PRDM10: variants seen among roughly 807,000 people sequenced by gnomAD.
The protein encoded by PRDM10 is PR/SET domain 10, also known as PR domain zinc finger protein 10.
Under a neutral mutation model 133.1 loss-of-function variants are expected in PRDM10, and 65 were observed. The observed-to-expected ratio is 0.49, with a 90% CI of 0.40 to 0.60. The LOEUF (loss-of-function observed/expected upper bound fraction) is 0.60, where lower values mean the gene tolerates loss of function less well. Ranked by LOEUF, PRDM10 falls within the 20% of genes least tolerant of loss-of-function variation. The pLI, the probability that PRDM10 is intolerant of heterozygous loss-of-function variation, is 0.00. For missense variants in PRDM10, 1,137 were observed against 1,507.1 expected (o/e 0.75, Z 4.07); for synonymous variants, 582 against 580.4 (o/e 1.00, Z -0.04).
intron 15 of PRDM10, among the ~76,000 whole-genome samples, chr11:129,916,082 A>G (rs1429189833): frequency 6.6e-6 from 1 of 152,232 alleles, no homozygotes; most frequent in Non-Finnish European, 1.5e-5. Context: ...TCTTTCTTTA[A>G]TCTATAAATC....
chr11:129,979,663 C>G (rs978230126), intron 1 of PRDM10, among the ~76,000 whole-genome samples: 2 of 152,200 alleles, frequency 1.3e-5, no homozygotes, highest in Admixed American at 1.3e-4. Context: ...GTCTGGTAAG[C>G]AAAGCTCTCG....
At chr11:129,970,053 G>A (rs965501178) in intron 1 of PRDM10, among the ~76,000 whole-genome samples, 4 of 152,168 alleles carry the variant, frequency 2.6e-5, no homozygotes, top group Admixed American at 2.6e-4. Context: ...ACTAATTTCA[G>A]AATTAGAAGA....
At position 129,925,114 on chromosome 11, in the gene PRDM10, C is replaced by G; in HGVS notation, c.1646G>C (p.Gly549Ala). 1.2e-6 allele frequency: 2 copies of G among 1,614,206 alleles called. No homozygotes were observed. The highest frequency in any genetic ancestry group is 1.7e-6 in the Non-Finnish European group (2 of 1,180,042). ...GGTCAGTGGGCAGTTCCCCTCCCGCCCATGGAAGCGTAAGTGCTGGTCCAG... is the reference window on the plus strand; with the variant it reads ...GGTCAGTGGGCAGTTCCCCTCCCGCGCATGGAAGCGTAAGTGCTGGTCCAG... Reference protein sequence around the residue: ...DKLDQHLRFHGREGNCPLTCD... With the variant: ...DKLDQHLRFHAREGNCPLTCD... The change falls in exon 12 of 21, where the codon GGG becomes GCG. Residue 549 changes from glycine (G) to alanine (A), a missense_variant. Gly to Ala is a moderately conservative substitution (Grantham distance 60, BLOSUM62 0). Transcript: ENST00000360871.
chr11:129,915,110 C>A, intron 16 of PRDM10, 92 bp from the exon 17 acceptor site: 5 of 1,344,098 alleles, frequency 3.7e-6, no homozygotes, highest in Non-Finnish European at 4.0e-6. Flanking sequence ...TTCCTAAAGT[C>A]TTTTATGTCT....
Position 129,910,627 on chromosome 11 carries a change from G to A in PRDM10, c.3012C>T (p.Ala1004=). 1 of 1,598,868 alleles carries A rather than the reference G, an allele frequency of 6.3e-7. No homozygotes were observed. Among genetic ancestry groups the A allele is most frequent in the Non-Finnish European group, 8.5e-7 (1 of 1,171,436 alleles). ...GGCTGAGCCCCTGCTGAGCCTGCTG[G>A]GCTGAGGGACTCAACGGCTGCCCAG... ...QVSGQPLSPS[A]QQAQQGLSPS... The change falls in exon 19 of 21, where the codon GCC becomes GCT. Residue 1004 remains alanine (A), a synonymous_variant. Transcript: ENST00000360871.
rs761665298 is a variant in PRDM10 at position 129,914,734 on chromosome 11, G to A, written c.2811C>T (p.His937=). The A allele has an allele frequency of 3.7e-6, 6 of 1,614,140 alleles. No individual in the cohort carries two copies. In the Admixed American group the frequency reaches 1.0e-4, roughly 27 times the overall value. Residue 937 remains histidine (H), a synonymous_variant, in exon 17 of 21, where the codon CAC becomes CAT. Coordinates refer to ENST00000360871, the MANE Select transcript of PRDM10 (RefSeq NM_199437.2). ...QSASGLQQPQ[H]IQLQVVQVAS... ...CCACTTGAACCACTTGCAGCTGTAT[G>A]TGCTGAGGCTGCTGGAGGCCAGACG...
chr11:129,931,900 A>G (rs1950880943), intron 10 of PRDM10, among the ~76,000 whole-genome samples: 2 of 152,202 alleles, frequency 1.3e-5, no homozygotes, highest in Admixed American at 1.3e-4. Flanking sequence ...TTAGAGCAGC[A>G]AAGTTGGGTT....
chr11:129,972,136 C>T (rs574415303), intron 1 of PRDM10, among the ~76,000 whole-genome samples: 3 of 152,364 alleles, frequency 2.0e-5, no homozygotes, highest in South Asian at 2.1e-4. Flanking sequence ...GCCAAGCCCA[C>T]GCCCACCCAG....
Position 129,944,903 on chromosome 11 carries a change from C to G in PRDM10, c.630G>C (p.Leu210=). 6.2e-7 allele frequency: 1 copy of G among 1,614,082 alleles called. No individual in the cohort carries two copies. Among genetic ancestry groups the G allele is most frequent in the Non-Finnish European group, 8.5e-7 (1 of 1,180,010 alleles). ...CCAGAAACCTGTCTATGTAGAGCAC[C>G]AGGGGGAGGCTCGCCCTGGCCCGGG... is the stretch of plus-strand genomic sequence containing the variant. ...VLTRARASLP[L]VLYIDRFLGG... Residue 210 remains leucine, a synonymous_variant, in exon 6 of 21, where the codon CTG becomes CTC. Coordinates refer to ENST00000360871, the MANE Select transcript of PRDM10 (RefSeq NM_199437.2).
At chr11:129,980,861 G>GTTTT (rs60735364) in intron 1 of PRDM10, among the ~76,000 whole-genome samples, 7 of 102,154 alleles carry the variant, frequency 6.9e-5, no homozygotes, top group South Asian at 3.6e-4. Context: ...GACATTTCTG[G>GTTTT]TTTTTTTTTT....
intron 1 of PRDM10, among the ~76,000 whole-genome samples, chr11:129,996,440 G>C (rs1939067903): frequency 6.6e-6 from 1 of 152,168 alleles, no homozygotes; most frequent in African/African-American, 2.4e-5. Flanking sequence ...TCCTGACACA[G>C]GAAAGTTATA....
At chr11:129,973,413 G>A (rs530099159) in intron 1 of PRDM10, among the ~76,000 whole-genome samples, 1 of 152,300 alleles carries the variant, frequency 6.6e-6, no homozygotes, top group South Asian at 2.1e-4. Context: ...TTCCCAGCAA[G>A]AACTGGCACA....
chr11:129,926,646 G>A (rs182486154), intron 11 of PRDM10, among the ~76,000 whole-genome samples: 105 of 152,178 alleles, frequency 6.9e-4, no homozygotes, highest in Middle Eastern at 3.4e-3. Context: ...TTCTCTAACC[G>A]GGCTAGGAGA....
rs1302662785 is a variant in PRDM10, at chr11:129,957,901, C to A, written c.79G>T (p.Val27Phe). The A allele has an allele frequency of 4.3e-6, 7 of 1,611,122 alleles. No individual in the cohort carries two copies. Among genetic ancestry groups the A allele is most frequent in the Non-Finnish European group, 5.9e-6 (7 of 1,178,420 alleles). ...HEQNAAQVHF[V>F]PDTGTVAQIV... ...TGAGCCACTGTTCCTGTGTCCGGAA[C>A]AAAGTGCACCTGGCATAAACAGGAG... The change falls in exon 3 of 21, where the codon GTT (valine) becomes TTT (phenylalanine). Residue 27 changes from valine (V) to phenylalanine (F), a missense_variant. Val to Phe is a conservative substitution (Grantham distance 50, BLOSUM62 -1). This residue lies in a region of PRDM10 where 635 missense variants were observed against 835.2 expected (regional missense o/e 0.76). Transcript: ENST00000360871.
chr11:129,915,449 G>T (rs953356887), intron 16 of PRDM10, among the ~76,000 whole-genome samples: 1 of 152,234 alleles, frequency 6.6e-6, no homozygotes, highest in East Asian at 1.9e-4. Context: ...TGCTCGGGCT[G>T]CTGTACGGCA....
chr11:129,912,314 C>T, intron 17 of PRDM10, 89 bp from the exon 18 acceptor site: 1 of 1,333,518 alleles, frequency 7.5e-7, no homozygotes, highest in Non-Finnish European at 1.0e-6. Flanking sequence ...CAGTTAAAAA[C>T]AATATCCTGG....
chr11:129,903,051 T>C (rs905085253), intron 20 of PRDM10, among the ~76,000 whole-genome samples: 1 of 151,972 alleles, frequency 6.6e-6, no homozygotes, highest in Non-Finnish European at 1.5e-5. Flanking sequence ...TCCCAGCACT[T>C]TGGGAGGCCA....
Position 129,947,987 on chromosome 11 carries a change from T to C in PRDM10, c.295-617A>G, listed in dbSNP as rs1283343094. ...AAAACTAAACACGTCGTGCAACACATGGTTAACAAAGTTCCATAGCTCACA... is the reference window on the plus strand; with the variant it reads ...AAAACTAAACACGTCGTGCAACACACGGTTAACAAAGTTCCATAGCTCACA... On this transcript the variant is annotated intron_variant, in intron 4 of 20. Coordinates refer to ENST00000360871, the MANE Select transcript of PRDM10 (RefSeq NM_199437.2). The surrounding 1 kb of genome is among the most constrained non-coding windows in gnomAD (Gnocchi z 4.6). 8.8e-6 allele frequency: 4 copies of C among 453,726 alleles called. No individual in the cohort carries two copies. In the East Asian group the frequency reaches 2.8e-4, roughly 32 times the overall value. 28.1% of individuals were successfully genotyped at this position (453,726 alleles called of 1,614,324 possible). A position where few individuals can be genotyped will look rare whatever the true frequency, so the allele number is the denominator to read the frequency against.
intron 17 of PRDM10, 87 bp downstream of exon 17, chr11:129,914,617 A>G: frequency 6.5e-7 from 1 of 1,549,938 alleles, no homozygotes; most frequent in South Asian, 1.1e-5. Context: ...GAAGGACATT[A>G]CATAGATCCC....
Sources: allele counts gnomAD v4.1 joint callset (sites outside exome capture counted in the v4.1 genomes callset), GRCh38; gene constraint gnomAD v4.1.1; regional missense constraint gnomAD v4.1.1; non-coding constraint Gnocchi (gnomAD v3.1); transcripts MANE v1.5; gene names NCBI Gene and HGNC (gene_info 2026-07-23, HGNC 2026-07-21).